PCDHA2: variants seen among roughly 807,000 people sequenced by gnomAD.
PCDHA2 encodes the protein protocadherin alpha-2.
In PCDHA2, 58 loss-of-function variants were observed where a neutral mutation model predicts 66.0. The observed-to-expected ratio is 0.88, with a 90% CI of 0.71 to 1.09. PCDHA2 has a LOEUF of 1.09. Ranked by LOEUF, PCDHA2 falls within the 50% of genes least tolerant of loss-of-function variation. The pLI is 0.00. For synonymous variants in PCDHA2, 634 were observed against 554.0 expected (o/e 1.14, Z -2.03); for missense variants, 1,267 against 1,242.3 (o/e 1.02, Z -0.30).
At chr5:140,837,628 CCTTCCTTT>C (rs1289092091) in intron 1 of PCDHA2, among the ~76,000 whole-genome samples, 3 of 149,330 alleles carry the variant, frequency 2.0e-5, no homozygotes, top group African/African-American at 7.7e-5. Context: ...TTCCTTCCTT[CCTTCCTTT>C]CTTTCTTTCT....
At chr5:140,941,754 T>A (rs2093159057) in intron 1 of PCDHA2, among the ~76,000 whole-genome samples, 1 of 152,256 alleles carries the variant, frequency 6.6e-6, no homozygotes, top group African/African-American at 2.4e-5. Context: ...AGATTTTCAG[T>A]GCTTTTAAGA....
rs540052499 is a variant in PCDHA2 at position 140,992,812 on chromosome 5, G to A, written c.2536+10249G>A. Among the ~76,000 whole-genome samples the A allele has an allele frequency of 2.5e-4, 38 of 152,228 alleles. No homozygotes were observed. The South Asian group carries it at 7.9e-3, about 32-fold the overall frequency. ...TTTTATGGATCCATATGTATCTAAG[G>A]ATGTGTTTGTTTTTTGGGAACATTT... is the stretch of plus-strand genomic sequence containing the variant. On this transcript the variant is annotated intron_variant, in intron 3 of 3. Transcript: ENST00000526136.
chr5:140,802,780 T>C (rs2149963513), intron 1 of PCDHA2: 2 of 1,613,244 alleles, frequency 1.2e-6, no homozygotes, highest in Non-Finnish European at 1.7e-6. Flanking sequence ...CACGAGGAGC[T>C]AGAGCTGCTG....
At position 140,929,057 on chromosome 5, in the gene PCDHA2, C is replaced by G. The variant is rs17844370; in HGVS notation, c.2389-49892C>G. The stretch of plus-strand genomic sequence containing the variant: ...TGCGCTCAGAGCTGCTGTCGCTCTA[C>G]AGAGGATCTGAGGTATGGAAGTAAG... On this transcript the variant is annotated intron_variant, in intron 1 of 3. Coordinates refer to ENST00000526136, the MANE Select transcript of PCDHA2 (RefSeq NM_018905.3). 3 of 1,614,070 alleles carry G rather than the reference C, an allele frequency of 1.9e-6. No individual in the cohort carries two copies. The African/African-American group carries it at 4.0e-5, about 22-fold the overall frequency.
chr5:140,960,740 C>T (rs949372581), intron 1 of PCDHA2, among the ~76,000 whole-genome samples: 1 of 151,868 alleles, frequency 6.6e-6, no homozygotes, highest in South Asian at 2.1e-4. Flanking sequence ...GATTTTAGTC[C>T]ATGGCTAAAA....
chr5:140,868,956 C>T (rs2050758654), intron 1 of PCDHA2: 9 of 1,367,630 alleles, frequency 6.6e-6, no homozygotes, highest in Non-Finnish European at 7.9e-6. Flanking sequence ...GAGGCACTCC[C>T]ATACAAAGGA....
chr5:140,933,772 C>T, intron 1 of PCDHA2, among the ~76,000 whole-genome samples: 1 of 152,176 alleles, frequency 6.6e-6, no homozygotes, highest in African/African-American at 2.4e-5. Flanking sequence ...TCTGTACCTA[C>T]AGTTTTCTTT....
intron 1 of PCDHA2, among the ~76,000 whole-genome samples, chr5:140,947,834 A>G (rs2094182215): frequency 6.6e-6 from 1 of 151,584 alleles, no homozygotes; most frequent in Non-Finnish European, 1.5e-5. Flanking sequence ...CAATATTAAT[A>G]TTTGTTTATT....
Position 140,823,167 on chromosome 5 carries a change from G to A in PCDHA2, c.2388+25815G>A, listed in dbSNP as rs150604968. The A allele has an allele frequency of 3.1e-4, 499 of 1,613,956 alleles. 3 individuals carry two copies. In the African/African-American group the frequency reaches 6.0e-3, roughly 20 times the overall value. ...AGCCCCAGTATACCGTGTTCGTGAA[G>A]GAGAACAACCCGCCAGGCTGCCACA... is the stretch of plus-strand genomic sequence containing the variant. On this transcript the variant is annotated intron_variant, in intron 1 of 3. Coordinates refer to ENST00000526136, the MANE Select transcript of PCDHA2 (RefSeq NM_018905.3).
chr5:140,937,151 C>T (rs1170352289), intron 1 of PCDHA2, among the ~76,000 whole-genome samples: 1 of 151,572 alleles, frequency 6.6e-6, no homozygotes, highest in African/African-American at 2.4e-5. Context: ...CATTCTCCTG[C>T]CTCAGCCTCC....
At chr5:140,909,025 T>C (rs1226589511) in intron 1 of PCDHA2, among the ~76,000 whole-genome samples, 1 of 152,156 alleles carries the variant, frequency 6.6e-6, no homozygotes, top group African/African-American at 2.4e-5. Context: ...TGAATTTTAG[T>C]CATTTATTTT....
At chr5:140,968,716 T>C (rs1554230993) in intron 1 of PCDHA2, 2 of 1,614,058 alleles carry the variant, frequency 1.2e-6, no homozygotes, top group Admixed American at 1.7e-5. Flanking sequence ...AGATGGGAGA[T>C]GAGAGTGGTA....
chr5:140,900,534 T>C (rs1583392378), intron 1 of PCDHA2, among the ~76,000 whole-genome samples: 1 of 152,202 alleles, frequency 6.6e-6, no homozygotes, highest in Admixed American at 6.5e-5. Context: ...ACCTCGGCTT[T>C]CCAAAGTGCT....
At chr5:140,911,845 A>G (rs1184698013) in intron 1 of PCDHA2, among the ~76,000 whole-genome samples, 2 of 152,216 alleles carry the variant, frequency 1.3e-5, no homozygotes, top group Non-Finnish European at 2.9e-5. Context: ...AAAGAACTCC[A>G]TCCTTAATAG....
chr5:140,824,301 G>A (rs1768078809), intron 1 of PCDHA2: 14 of 835,542 alleles, frequency 1.7e-5, no homozygotes, highest in Non-Finnish European at 2.5e-5. Flanking sequence ...TTTCTGCTGG[G>A]GTAATAGATT....
At chr5:140,902,895 T>C (rs1554190698) in intron 1 of PCDHA2, among the ~76,000 whole-genome samples, 1 of 152,222 alleles carries the variant, frequency 6.6e-6, no homozygotes, top group Non-Finnish European at 1.5e-5. Flanking sequence ...TATTATTTTA[T>C]TTAGTTTATG....
intron 1 of PCDHA2, among the ~76,000 whole-genome samples, chr5:140,912,714 C>T (rs1312540155): frequency 6.6e-6 from 1 of 152,088 alleles, no homozygotes; most frequent in African/African-American, 2.4e-5. Context: ...CAACTTTTCT[C>T]CATTCAATAT....
rs2150363353 is a variant in PCDHA2 at position 140,843,609 on chromosome 5, G to A, written c.2388+46257G>A. The A allele has an allele frequency of 1.3e-6, 2 of 1,596,016 alleles. No homozygotes were observed. Among genetic ancestry groups the A allele is most frequent in the Non-Finnish European group, 1.7e-6 (2 of 1,165,520 alleles). ...CCGCAGAGGGTGTGCTCTGGTGAGGGGCCACCGAAGACGGACCTCATGGCC... is the reference window on the plus strand; with the variant it reads ...CCGCAGAGGGTGTGCTCTGGTGAGGAGCCACCGAAGACGGACCTCATGGCC... On this transcript the variant is annotated intron_variant, in intron 1 of 3. Transcript: ENST00000526136.
chr5:141,009,269 A>G (rs2098404104), intron 3 of PCDHA2, among the ~76,000 whole-genome samples: 1 of 152,140 alleles, frequency 6.6e-6, no homozygotes, highest in Non-Finnish European at 1.5e-5. Flanking sequence ...AGCCTGGGCA[A>G]CATAGTGAGA....
Sources: allele counts gnomAD v4.1 joint callset (sites outside exome capture counted in the v4.1 genomes callset), GRCh38; gene constraint gnomAD v4.1.1; transcripts MANE v1.5; gene names NCBI Gene and HGNC (gene_info 2026-07-23, HGNC 2026-07-21).